XIRP2: variants seen among roughly 807,000 people sequenced by gnomAD.
The protein encoded by XIRP2 is xin actin-binding repeat-containing protein 2.
Under a neutral mutation model 277.0 loss-of-function variants are expected in XIRP2, and 236 were observed. The ratio of observed to expected loss-of-function variants is 0.85; its 90% CI spans 0.77 to 0.95. XIRP2 has a LOEUF of 0.95. Among genes scored for constraint, XIRP2 ranks in the 40% least tolerant of loss-of-function variants. The pLI is 0.00. For missense variants in XIRP2, 4,640 were observed against 4,157.5 expected, an observed-to-expected ratio of 1.12 and a Z score of -3.19; for synonymous variants, 1,490 against 1,416.5, an observed-to-expected ratio of 1.05 and a Z score of -1.17.
intron 2 of XIRP2, among the ~76,000 whole-genome samples, chr2:167,100,769 A>G (rs1202668375): frequency 6.6e-6 from 1 of 152,188 alleles, no homozygotes; most frequent in African/African-American, 2.4e-5. Context: ...TGTGACCTTC[A>G]ACCTCTGCCT....
intron 5 of XIRP2, among the ~76,000 whole-genome samples, chr2:167,236,637 A>G (rs1021609708): frequency 1.3e-5 from 2 of 152,040 alleles, no homozygotes; most frequent in South Asian, 2.1e-4. Context: ...TTTTCCCAAG[A>G]TTATAACATA....
At position 167,247,399 on chromosome 2, in the gene XIRP2, A is replaced by T; in HGVS notation, c.6007A>T (p.Lys2003Ter). 6.2e-7 allele frequency: 1 copy of T among 1,613,738 alleles called. No individual in the cohort carries two copies. Among genetic ancestry groups the T allele is most frequent in the Non-Finnish European group, 8.5e-7 (1 of 1,179,778 alleles). Residue 2003 changes from lysine to a stop codon, truncating the protein, a stop_gained, in exon 9 of 11, where the codon AAA (lysine) becomes TAA (stop). Transcript: ENST00000409195. LOFTEE classifies it high-confidence loss of function. ...AGATACTCTCAGTCAAACTATGGGG[A>T]AATCTTGCCATGGCAATTTAGTAGA... ...GADTLSQTMGKSCHGNLVEER... is the reference protein window; with the variant it reads ...GADTLSQTMG
At chr2:167,083,621 G>A (rs1689816767) in intron 2 of XIRP2, among the ~76,000 whole-genome samples, 2 of 152,038 alleles carry the variant, frequency 1.3e-5, no homozygotes, top group African/African-American at 4.8e-5. Flanking sequence ...TTATTTCCTT[G>A]AGCAGTGGTT....
At chr2:166,919,458 G>A (rs1265961234) in intron 2 of XIRP2, among the ~76,000 whole-genome samples, 2 of 152,116 alleles carry the variant, frequency 1.3e-5, no homozygotes, top group Non-Finnish European at 2.9e-5. Flanking sequence ...TGCATGCAGT[G>A]CTCTTTTTGC....
intron 1 of XIRP2, among the ~76,000 whole-genome samples, chr2:166,897,357 G>A (rs567673777): frequency 2.0e-5 from 3 of 152,224 alleles, no homozygotes; most frequent in Non-Finnish European, 4.4e-5. Flanking sequence ...GGGAAGAAGG[G>A]TTTCTGTAAT....
chr2:167,177,973 G>A lies in XIRP2; in HGVS notation c.563-32762G>A, dbSNP rs370362056. On this transcript the variant is annotated intron_variant, in intron 3 of 10. Transcript: ENST00000409195. The stretch of plus-strand genomic sequence containing the variant: ...AATATGGTATGTCCATACAATGACC[G>A]TTAAGATTTATAAGATTTTCTTATG... Among the ~76,000 whole-genome samples the A allele has an allele frequency of 1.9e-3, 286 of 150,954 alleles. 1 individual carries two copies. The highest frequency in any genetic ancestry group is 6.4e-3 in the African/African-American group (262 of 41,140).
intron 3 of XIRP2, among the ~76,000 whole-genome samples, chr2:167,140,549 T>C (rs1691684477): frequency 6.6e-6 from 1 of 152,160 alleles, no homozygotes; most frequent in Non-Finnish European, 1.5e-5. Flanking sequence ...GACAGGCTTT[T>C]ATAACTGGTC....
chr2:167,252,054 T>C, intron 9 of XIRP2, 107 bp downstream of exon 9: 2 of 1,468,694 alleles, frequency 1.4e-6, no homozygotes, highest in Admixed American at 2.5e-5. Context: ...AACCAAACAA[T>C]ATAACCTAAA....
chr2:167,229,497 C>T (rs1022285051), intron 5 of XIRP2, among the ~76,000 whole-genome samples: 1 of 152,054 alleles, frequency 6.6e-6, no homozygotes, highest in African/African-American at 2.4e-5. Context: ...GCTTGTAGAA[C>T]TTAGTGAAAT....
At chr2:167,159,660 A>G (rs765668922) in intron 3 of XIRP2, among the ~76,000 whole-genome samples, 2 of 151,804 alleles carry the variant, frequency 1.3e-5, no homozygotes, top group African/African-American at 2.4e-5. Flanking sequence ...ACATGCCTGT[A>G]TCTATATTTC....
chr2:167,158,975 G>A (rs1363295758), intron 3 of XIRP2, among the ~76,000 whole-genome samples: 2 of 152,166 alleles, frequency 1.3e-5, no homozygotes, highest in Non-Finnish European at 2.9e-5. Context: ...TGGGGGGTAG[G>A]AGGGGAAAGA....
chr2:167,163,722 C>G (rs1692436637), intron 3 of XIRP2, among the ~76,000 whole-genome samples: 1 of 152,174 alleles, frequency 6.6e-6, no homozygotes. Flanking sequence ...CTCTGAACCT[C>G]TTTCTACTCT....
chr2:167,230,392 A>G (rs1324899986), intron 5 of XIRP2, among the ~76,000 whole-genome samples: 1 of 152,002 alleles, frequency 6.6e-6, no homozygotes, highest in Non-Finnish European at 1.5e-5. Context: ...TGAGATCAAG[A>G]AAGAAGTTTT....
Position 167,096,433 on chromosome 2 carries a change from C to T in XIRP2, c.409-39476C>T, listed in dbSNP as rs1024453903. On this transcript the variant is annotated intron_variant, in intron 2 of 10. Transcript: ENST00000409195. ...TTTTTATTGTGTCTATTTGATTCTT[C>T]CCTCTTTTATTCTTTATTAGTCTGG... Among the ~76,000 whole-genome samples, 32 of 151,878 alleles carry T rather than the reference C, an allele frequency of 2.1e-4. 1 individual carries two copies.
At chr2:166,982,361 ACTT>A (rs1275487022) in intron 2 of XIRP2, among the ~76,000 whole-genome samples, 4 of 150,068 alleles carry the variant, frequency 2.7e-5, no homozygotes, top group Non-Finnish European at 5.9e-5. Context: ...TATTTACTGA[ACTT>A]CTTGATTCTG....
chr2:167,039,554 C>T (rs1007634239), intron 2 of XIRP2, among the ~76,000 whole-genome samples: 6 of 152,070 alleles, frequency 3.9e-5, no homozygotes, highest in Non-Finnish European at 7.3e-5. Flanking sequence ...AAGATAGAGC[C>T]GTATGAATGA....
chr2:167,028,638 AC>A (rs1347683723), intron 2 of XIRP2, among the ~76,000 whole-genome samples: 2 of 152,006 alleles, frequency 1.3e-5, no homozygotes, highest in East Asian at 3.9e-4. Context: ...TAAATACCTA[AC>A]TCTTCAATGT....
intron 2 of XIRP2, among the ~76,000 whole-genome samples, chr2:166,942,217 T>G (rs551781012): frequency 6.6e-6 from 1 of 152,294 alleles, no homozygotes; most frequent in Non-Finnish European, 1.5e-5. Context: ...ATCCCTCTGT[T>G]CTACATGTAA....
intron 2 of XIRP2, among the ~76,000 whole-genome samples, chr2:166,997,753 C>T (rs754737069): frequency 5.3e-5 from 8 of 151,674 alleles, no homozygotes. Flanking sequence ...AAAAATACAA[C>T]AATTAGCCAA....
Sources: allele counts gnomAD v4.1 joint callset (sites outside exome capture counted in the v4.1 genomes callset), GRCh38; gene constraint gnomAD v4.1.1; transcripts MANE v1.5; gene names NCBI Gene and HGNC (gene_info 2026-07-23, HGNC 2026-07-21).